DDR2: variants seen among roughly 807,000 people sequenced by gnomAD.
DDR2 encodes discoidin domain-containing receptor 2.
DDR2 carries 27 observed loss-of-function variants against 94.9 expected under a neutral mutation model. The observed-to-expected ratio is 0.28, with a 90% CI of 0.21 to 0.39. DDR2 has a LOEUF of 0.39. Among genes scored for constraint, DDR2 ranks in the 10% least tolerant of loss-of-function variants. DDR2 has a pLI of 1.00. For synonymous variants in DDR2, 382 were observed against 377.2 expected, an observed-to-expected ratio of 1.01 and a Z score of -0.15; for missense variants, 783 against 1,076.0, an observed-to-expected ratio of 0.73 and a Z score of 3.81.
chr1:162,763,185 A>G (rs1158667846), intron 9 of DDR2, among the ~76,000 whole-genome samples: 1 of 135,540 alleles, frequency 7.4e-6, no homozygotes, highest in Non-Finnish European at 1.6e-5. Flanking sequence ...TAGAGTTTGC[A>G]TTTTTTTTTT....
At chr1:162,756,074 G>T (rs533170095) in intron 7 of DDR2, among the ~76,000 whole-genome samples, 13 of 152,286 alleles carry the variant, frequency 8.5e-5, no homozygotes, top group African/African-American at 2.9e-4. Context: ...AGGACATGTA[G>T]TCTGACACAA....
intron 3 of DDR2, among the ~76,000 whole-genome samples, chr1:162,743,716 C>T (rs889611491): frequency 6.6e-6 from 1 of 152,158 alleles, no homozygotes; most frequent in Non-Finnish European, 1.5e-5. Context: ...TATTGAAGTA[C>T]AATAGACATA....
At chr1:162,651,918 A>G (rs1271152200) in intron 1 of DDR2, among the ~76,000 whole-genome samples, 1 of 152,212 alleles carries the variant, frequency 6.6e-6, no homozygotes, top group Non-Finnish European at 1.5e-5. Context: ...TAGTAAGACC[A>G]TCAGCCTACG....
At chr1:162,773,304 A>G (rs1338188900) in intron 13 of DDR2, among the ~76,000 whole-genome samples, 165 bp from the exon 14 acceptor site, 1 of 152,172 alleles carries the variant, frequency 6.6e-6, no homozygotes, top group Non-Finnish European at 1.5e-5. Context: ...TTTAAATCTT[A>G]TCAATTATTT....
rs73024542 is a variant in DDR2 at position 162,707,783 on chromosome 1, C to T, written c.-27-11254C>T. On this transcript the variant is annotated intron_variant, in intron 2 of 17. Transcript: ENST00000367921. ...TTCCTATACACCATTCTATTCATAC[C>T]GCTATTCAAAAATTGATATTTATAA... Among the ~76,000 whole-genome samples the T allele has an allele frequency of 5.1e-3, 773 of 152,266 alleles. 4 individuals are homozygous for T. Among genetic ancestry groups the T allele is most frequent in the African/African-American group, 0.018 (730 of 41,542 alleles).
At chr1:162,780,058 T>C (rs2102210788) in intron 17 of DDR2, 54 bp from the exon 18 acceptor site, 1 of 1,610,954 alleles carries the variant, frequency 6.2e-7, no homozygotes, top group Non-Finnish European at 8.5e-7. Flanking sequence ...CCCCCGTCTT[T>C]GTAATATTCT....
At position 162,754,776 on chromosome 1, in the gene DDR2, A is replaced by C; in HGVS notation, c.338A>C (p.Glu113Ala). Residue 113 changes from glutamate to alanine, a missense_variant, in exon 5 of 18, where the codon GAG (glutamate) becomes GCG (alanine). Around this residue, in one of 2 missense-constraint regions of DDR2, gnomAD observed 519 missense variants for 647.9 expected, o/e 0.80. Transcript: ENST00000367921. ...CGCCATGCAGGAGGTCATGGCATCG[A>C]GTTTGCCCCCATGTACAAGATCAAT... is the stretch of plus-strand genomic sequence containing the variant. ...QGRHAGGHGI[E>A]FAPMYKINYS... The C allele has an allele frequency of 6.2e-7, 1 of 1,614,074 alleles. No individual in the cohort carries two copies. Among genetic ancestry groups the C allele is most frequent in the South Asian group, 1.1e-5 (1 of 91,078 alleles).
chr1:162,777,851 G>T (rs1466193635), intron 16 of DDR2: 1 of 152,494 alleles, frequency 6.6e-6, no homozygotes, highest in Non-Finnish European at 1.5e-5. Context: ...GCATTAATAT[G>T]GTCACCCCTA....
At chr1:162,645,124 A>G (rs1657344324) in intron 1 of DDR2, among the ~76,000 whole-genome samples, 1 of 152,232 alleles carries the variant, frequency 6.6e-6, no homozygotes, top group African/African-American at 2.4e-5. Context: ...GATGAAGCAG[A>G]TTCTCTGTCA....
chr1:162,761,183 A>G (rs750364879), intron 8 of DDR2, 28 bp from the exon 9 acceptor site: 4 of 1,613,678 alleles, frequency 2.5e-6, no homozygotes, highest in Admixed American at 1.7e-5. Context: ...GGGCCAACCT[A>G]TCACTCACAT....
In DDR2 at chr1:162,754,650, C is replaced by T. The variant is rs1663367729; in HGVS notation, c.212C>T (p.Ala71Val). 6.2e-7 allele frequency: 1 copy of T among 1,614,130 alleles called. No homozygotes were observed. Among genetic ancestry groups the T allele is most frequent in the Non-Finnish European group, 8.5e-7 (1 of 1,179,994 alleles). The change falls in exon 5 of 18, where the codon GCC becomes GTC. Residue 71 changes from alanine (A) to valine (V), a missense_variant. Ala to Val is a moderately conservative substitution (Grantham distance 64). Transcript: ENST00000367921. The stretch of plus-strand genomic sequence containing the variant: ...CTGGACTCAGAAGAAGGGGATGGAG[C>T]CTGGTGCCCTGAGATTCCAGTGGAA... ...GRLDSEEGDG[A>V]WCPEIPVEPD...
At chr1:162,755,951 C>T (rs1663443051) in intron 7 of DDR2, among the ~76,000 whole-genome samples, 182 bp downstream of exon 7, 1 of 152,130 alleles carries the variant, frequency 6.6e-6, no homozygotes, top group African/African-American at 2.4e-5. Context: ...GAACTTAAAG[C>T]CCGGTTTGGG....
chr1:162,698,340 G>C (rs939688919), intron 2 of DDR2, among the ~76,000 whole-genome samples: 1 of 152,172 alleles, frequency 6.6e-6, no homozygotes, highest in Non-Finnish European at 1.5e-5. Flanking sequence ...GCACACTTGA[G>C]GCTGCTCAAA....
chr1:162,669,907 G>T (rs1209556772), intron 2 of DDR2, among the ~76,000 whole-genome samples: 5 of 152,208 alleles, frequency 3.3e-5, no homozygotes, highest in Non-Finnish European at 7.3e-5. Flanking sequence ...AGCATGGCCA[G>T]CAAGGGCTGC....
At chr1:162,727,541 T>C (rs1056063284) in intron 3 of DDR2, among the ~76,000 whole-genome samples, 1 of 147,448 alleles carries the variant, frequency 6.8e-6, no homozygotes, top group Non-Finnish European at 1.5e-5. Context: ...AAAATAAAAA[T>C]AAAAATAAAA....
upstream of DDR2, among the ~76,000 whole-genome samples, chr1:162,631,182 T>TTGTGTG (rs58010976): frequency 3.4e-4 from 47 of 140,284 alleles, no homozygotes; most frequent in African/African-American, 1.1e-3. Context: ...GCCACCCTCA[T>TTGTGTG]TGTGTGTGTG....
At chr1:162,726,483 T>C (rs1661672176) in intron 3 of DDR2, among the ~76,000 whole-genome samples, 1 of 152,148 alleles carries the variant, frequency 6.6e-6, no homozygotes, top group Admixed American at 6.5e-5. Flanking sequence ...CCCTGTTGTT[T>C]TGCATTCTGA....
intron 2 of DDR2, among the ~76,000 whole-genome samples, chr1:162,668,415 A>G (rs1386215354): frequency 1.3e-5 from 2 of 152,198 alleles, no homozygotes; most frequent in Non-Finnish European, 2.9e-5. Flanking sequence ...GTAACAAGTG[A>G]TCACAAACTG....
chr1:162,765,049 G>A (rs1433783136), intron 9 of DDR2, among the ~76,000 whole-genome samples: 1 of 152,094 alleles, frequency 6.6e-6, no homozygotes, highest in East Asian at 1.9e-4. Context: ...AATACTGAGA[G>A]TAGAAATCAA....
Sources: allele counts gnomAD v4.1 joint callset (sites outside exome capture counted in the v4.1 genomes callset), GRCh38; gene constraint gnomAD v4.1.1; regional missense constraint gnomAD v4.1.1; transcripts MANE v1.5; gene names NCBI Gene and HGNC (gene_info 2026-07-23, HGNC 2026-07-21).